GPATCH2: variants seen among roughly 807,000 people sequenced by gnomAD.
GPATCH2 encodes G patch domain-containing protein 2.
A neutral mutation model predicts 58.0 loss-of-function variants in GPATCH2; 51 were observed. The observed-to-expected ratio is 0.88, with a 90% CI of 0.70 to 1.11. The LOEUF (loss-of-function observed/expected upper bound fraction) is 1.11, where lower values mean the gene tolerates loss of function less well. GPATCH2 is among the 50% of genes most tolerant of loss of function. The probability of loss-of-function intolerance (pLI) is 0.00; values close to 1 mark genes in which losing one functional copy is unlikely to be tolerated. For synonymous variants in GPATCH2, 222 were observed against 218.5 expected, an observed-to-expected ratio of 1.02 and a Z score of -0.14; for missense variants, 625 against 652.2, an observed-to-expected ratio of 0.96 and a Z score of 0.45.
chr1:217,519,901 G>A (rs937112035), intron 5 of GPATCH2, among the ~76,000 whole-genome samples: 3 of 152,016 alleles, frequency 2.0e-5, no homozygotes, highest in African/African-American at 7.3e-5. Flanking sequence ...TAGTTATATT[G>A]TTCACCTGAA....
chr1:217,614,503 C>T (rs1294871516), intron 2 of GPATCH2, among the ~76,000 whole-genome samples: 2 of 151,928 alleles, frequency 1.3e-5, no homozygotes, highest in Non-Finnish European at 2.9e-5. Context: ...ATCAAATGCT[C>T]ACTGCTCCTT....
At chr1:217,450,991 G>A (rs998375550) in intron 8 of GPATCH2, among the ~76,000 whole-genome samples, 10 of 152,082 alleles carry the variant, frequency 6.6e-5, no homozygotes, top group Non-Finnish European at 1.3e-4. Flanking sequence ...GTGAAAATGG[G>A]GAGGGGGAAA....
Position 217,431,021 on chromosome 1 carries a change from G to C in GPATCH2, c.*124C>G. ...ACTATGGCAGGACTGTATGCAGTAAGGAAGCTAGAGTGATGTGTTTGAGGC... is the reference window on the plus strand; with the variant it reads ...ACTATGGCAGGACTGTATGCAGTAACGAAGCTAGAGTGATGTGTTTGAGGC... On this transcript the variant is annotated 3_prime_UTR_variant, in exon 10 of 10. Coordinates refer to ENST00000366935, the MANE Select transcript of GPATCH2 (RefSeq NM_018040.5). 2.9e-6 allele frequency: 2 copies of C among 689,656 alleles called. No individual in the cohort carries two copies. Among genetic ancestry groups the C allele is most frequent in the Non-Finnish European group, 5.3e-6 (2 of 377,710 alleles). 42.7% of individuals were successfully genotyped at this position (689,656 alleles called of 1,614,324 possible). A position where few individuals can be genotyped will look rare whatever the true frequency, so the allele number is the denominator to read the frequency against.
At chr1:217,548,382 C>T (rs531510116) in intron 5 of GPATCH2, among the ~76,000 whole-genome samples, 1 of 152,216 alleles carries the variant, frequency 6.6e-6, no homozygotes, top group East Asian at 1.9e-4. Context: ...ATGTAACAAA[C>T]CTGCACAGGT....
At chr1:217,608,467 G>A in intron 5 of GPATCH2, 1 of 985,172 alleles carries the variant, frequency 1.0e-6, no homozygotes, top group Non-Finnish European at 1.2e-6. Flanking sequence ...GTTAAGCCAT[G>A]TATCATCAAT....
chr1:217,522,340 T>C (rs1365022953), intron 5 of GPATCH2, among the ~76,000 whole-genome samples: 1 of 148,768 alleles, frequency 6.7e-6, no homozygotes, highest in Non-Finnish European at 1.5e-5. Context: ...CAGCAACAAC[T>C]TTTTTCATAC....
intron 6 of GPATCH2, among the ~76,000 whole-genome samples, chr1:217,512,950 C>G (rs1190610620): frequency 6.6e-6 from 1 of 152,152 alleles, no homozygotes; most frequent in African/African-American, 2.4e-5. Flanking sequence ...TTGTGGCATG[C>G]TGAGTATTAA....
chr1:217,540,166 G>A (rs921627160), intron 5 of GPATCH2, among the ~76,000 whole-genome samples: 5 of 151,950 alleles, frequency 3.3e-5, no homozygotes, highest in Admixed American at 1.3e-4. Flanking sequence ...AATTCATTAC[G>A]GCACAATCAC....
intron 8 of GPATCH2, among the ~76,000 whole-genome samples, chr1:217,454,312 T>G (rs1012472208): frequency 5.9e-5 from 9 of 152,120 alleles, no homozygotes; most frequent in African/African-American, 1.4e-4. Context: ...TTTTCTGGCC[T>G]GGTGCGGTGG....
At position 217,567,923 on chromosome 1, in the gene GPATCH2, T is replaced by C. The variant is rs577403858; in HGVS notation, c.1098+42398A>G. 4.6e-3 allele frequency among the ~76,000 whole-genome samples: 707 copies of C among 152,290 alleles called. 2 individuals are homozygous for C. Among genetic ancestry groups the C allele is most frequent in the Non-Finnish European group, 5.6e-3 (381 of 68,016 alleles). On this transcript the variant is annotated intron_variant, in intron 5 of 9. Transcript: ENST00000366935. ...CAAGGTCAGGAGATCGAGACTATCCTGGCTAACATGGTGAAACCCCGTCTC... is the reference window on the plus strand; with the variant it reads ...CAAGGTCAGGAGATCGAGACTATCCCGGCTAACATGGTGAAACCCCGTCTC...
intron 5 of GPATCH2, among the ~76,000 whole-genome samples, chr1:217,580,670 G>A (rs948668827): frequency 6.6e-6 from 1 of 151,934 alleles, no homozygotes; most frequent in Admixed American, 6.6e-5. Flanking sequence ...ATCTTCTCAA[G>A]CTTTGCTACT....
At position 217,454,448 on chromosome 1, in the gene GPATCH2, G is replaced by T. The variant is rs536620820; in HGVS notation, c.1278-5111C>A. 2.6e-5 allele frequency among the ~76,000 whole-genome samples: 4 copies of T among 151,908 alleles called. No individual in the cohort carries two copies. The South Asian group carries it at 8.3e-4, about 32-fold the overall frequency. ...ACTAAAAATACAAAAAATTAGCCGG[G>T]CGTGGTGGTGGGCGCCTGTAGTCCC... On this transcript the variant is annotated intron_variant, in intron 8 of 9. Transcript: ENST00000366935.
chr1:217,445,646 T>TA (rs1659355514), intron 9 of GPATCH2, among the ~76,000 whole-genome samples: 1 of 152,104 alleles, frequency 6.6e-6, no homozygotes, highest in Non-Finnish European at 1.5e-5. Context: ...AGCTATACAT[T>TA]AAAAAAATCA....
At chr1:217,441,198 G>A (rs1003894656) in intron 9 of GPATCH2, among the ~76,000 whole-genome samples, 2 of 151,964 alleles carry the variant, frequency 1.3e-5, no homozygotes, top group Non-Finnish European at 2.9e-5. Context: ...CAGAAATAAC[G>A]CCACACATCT....
intron 5 of GPATCH2, among the ~76,000 whole-genome samples, chr1:217,519,018 G>T (rs1262073551): frequency 6.6e-6 from 1 of 152,186 alleles, no homozygotes; most frequent in Non-Finnish European, 1.5e-5. Flanking sequence ...TTATTAATTT[G>T]ACTCAACTTC....
At chr1:217,606,323 A>G (rs1668358962) in intron 5 of GPATCH2, among the ~76,000 whole-genome samples, 1 of 151,866 alleles carries the variant, frequency 6.6e-6, no homozygotes. Flanking sequence ...GTGGCTGTCA[A>G]CCTAAAATTT....
chr1:217,490,749 A>G (rs574005201), intron 8 of GPATCH2, among the ~76,000 whole-genome samples: 2 of 152,308 alleles, frequency 1.3e-5, no homozygotes, highest in African/African-American at 4.8e-5. Context: ...TATAATCTAT[A>G]TCTTACAATT....
chr1:217,445,063 G>A (rs12136784), intron 9 of GPATCH2, among the ~76,000 whole-genome samples: 2,214 of 152,064 alleles, frequency 0.015, 19 homozygotes, highest in Middle Eastern at 0.055. Flanking sequence ...GTCACAAAAA[G>A]CTGTAATGTA....
At chr1:217,492,748 G>A (rs1420710129) in intron 7 of GPATCH2, 2 of 152,134 alleles carry the variant, frequency 1.3e-5, no homozygotes, top group Admixed American at 6.5e-5. Context: ...TGAGTATTAA[G>A]TAATATAAAC....
Sources: allele counts gnomAD v4.1 joint callset (sites outside exome capture counted in the v4.1 genomes callset), GRCh38; gene constraint gnomAD v4.1.1; transcripts MANE v1.5; gene names NCBI Gene and HGNC (gene_info 2026-07-23, HGNC 2026-07-21).